Variants in TRIM38 observed in about 807,000 individuals in gnomAD.
TRIM38 encodes the protein E3 ubiquitin-protein ligase TRIM38.
Under a neutral mutation model 35.8 loss-of-function variants are expected in TRIM38, and 35 were observed. That is an observed-to-expected ratio of 0.98 (90% CI 0.75 to 1.30). The LOEUF (loss-of-function observed/expected upper bound fraction) is 1.30, where lower values mean the gene tolerates loss of function less well. Among genes scored for constraint, TRIM38 ranks in the 50% most tolerant of loss-of-function variants. TRIM38 has a pLI of 0.00. For synonymous variants in TRIM38, 198 were observed against 204.7 expected (o/e 0.97, Z 0.28); for missense variants, 545 against 556.9 (o/e 0.98, Z 0.21).
Position 25,985,388 on chromosome 6 carries a change from A to G in TRIM38, c.*1701A>G, listed in dbSNP as rs1173910857. 1.3e-5 allele frequency: 2 copies of G among 152,142 alleles called. No individual in the cohort carries two copies. The highest frequency in any genetic ancestry group is 3.9e-4 in the East Asian group (2 of 5,182). The allele number at this position is 152,142 out of a possible 1,614,324, so 9.4% of individuals were successfully genotyped here. A position where few individuals can be genotyped will look rare whatever the true frequency, so the allele number is the denominator to read the frequency against. ...TCCTTTTCGTCTTCCTTGTCACTTA[A>G]AAAATGTATTCTTTTCTTAAAATGC... is the stretch of plus-strand genomic sequence containing the variant. On this transcript the variant is annotated 3_prime_UTR_variant, in exon 8 of 8. Transcript: ENST00000357085.
chr6:25,983,360 C>A lies in TRIM38; in HGVS notation c.1071C>A (p.Thr357=), dbSNP rs756936805. 2.5e-6 allele frequency: 4 copies of A among 1,613,862 alleles called. 1 individual carries two copies. The highest frequency in any genetic ancestry group is 2.7e-5 in the African/African-American group (2 of 74,872). The change falls in exon 8 of 8, where the codon ACC becomes ACA. Residue 357 remains threonine (T), a synonymous_variant. Coordinates refer to ENST00000357085, the MANE Select transcript of TRIM38 (RefSeq NM_006355.5). The part of the protein sequence containing the change: ...RYFEVDVGEG[T]GWDLGVCMEN... ...TTGAAGTGGATGTTGGCGAAGGAACCGGATGGGATTTAGGAGTTTGTATGG... is the reference window on the plus strand; with the variant it reads ...TTGAAGTGGATGTTGGCGAAGGAACAGGATGGGATTTAGGAGTTTGTATGG...
At chr6:25,972,954 T>C (rs1760283003) in intron 5 of TRIM38, 100 bp from the exon 6 acceptor site, 1 of 1,499,480 alleles carries the variant, frequency 6.7e-7, no homozygotes, top group Non-Finnish European at 9.2e-7. Context: ...GGTAACTCTC[T>C]TTACTTCTTC....
intron 7 of TRIM38, among the ~76,000 whole-genome samples, chr6:25,976,643 T>C (rs1760401900): frequency 6.6e-6 from 1 of 152,206 alleles, no homozygotes; most frequent in Admixed American, 6.5e-5. Flanking sequence ...TTTGTTGTTG[T>C]TGCTGTTGCA....
At chr6:25,973,101 G>A (rs1760287516) in intron 6 of TRIM38, 25 bp downstream of exon 6, 1 of 1,614,100 alleles carries the variant, frequency 6.2e-7, no homozygotes, top group Non-Finnish European at 8.5e-7. Flanking sequence ...AATGCAGGAG[G>A]GGAGGGGTGT....
chr6:25,983,790 T>C lies in TRIM38; in HGVS notation c.*103T>C. On this transcript the variant is annotated 3_prime_UTR_variant, in exon 8 of 8. Coordinates refer to ENST00000357085, the MANE Select transcript of TRIM38 (RefSeq NM_006355.5). ...GTTTTCTTCGCTGTCATTTCCTTAG[T>C]AGTTAGACTAGTGCTGAGATTTTAG... 9.4e-7 allele frequency: 1 copy of C among 1,062,522 alleles called. No individual in the cohort carries two copies. The highest frequency in any genetic ancestry group is 1.3e-6 in the Non-Finnish European group (1 of 748,774). 65.8% of individuals were successfully genotyped at this position (1,062,522 alleles called of 1,614,324 possible). A position where few individuals can be genotyped will look rare whatever the true frequency, so the allele number is the denominator to read the frequency against.
Position 25,983,508 on chromosome 6 carries a change from G to A in TRIM38, c.1219G>A (p.Glu407Lys), listed in dbSNP as rs749899732. The change falls in exon 8 of 8, where the codon GAG becomes AAG. Residue 407 changes from glutamate (E) to lysine (K), a missense_variant. Physicochemically the swap from Glu to Lys is moderately conservative, Grantham distance 56. Transcript: ENST00000357085. ...TCCCCCAACTTCCCTTCATCTGCATGAGCAGCCCCTGCTTGTGGGAATTTT... is the reference window on the plus strand; with the variant it reads ...TCCCCCAACTTCCCTTCATCTGCATAAGCAGCCCCTGCTTGTGGGAATTTT... ...TSPPTSLHLHEQPLLVGIFLD... is the reference protein window; with the variant it reads ...TSPPTSLHLHKQPLLVGIFLD... The A allele has an allele frequency of 6.2e-7, 1 of 1,614,116 alleles. No individual in the cohort carries two copies. The highest frequency in any genetic ancestry group is 8.5e-7 in the Non-Finnish European group (1 of 1,180,034).
chr6:25,973,840 C>A, intron 7 of TRIM38: 2 of 985,360 alleles, frequency 2.0e-6, no homozygotes, highest in Non-Finnish European at 2.4e-6. Flanking sequence ...ATGTTAGAAC[C>A]ATTTACTGAG....
rs188292601 is a variant in TRIM38, at chr6:25,969,275, T to C, written c.412-50T>C. The C allele has an allele frequency of 4.8e-4, 661 of 1,374,464 alleles. 6 individuals carry two copies. In the Admixed American group the frequency reaches 9.2e-3, roughly 19 times the overall value. The allele number at this position is 1,374,464 out of a possible 1,614,324, so 85.1% of individuals were successfully genotyped here. A position where few individuals can be genotyped will look rare whatever the true frequency, so the allele number is the denominator to read the frequency against. On this transcript the variant is annotated intron_variant, in intron 3 of 7. Coordinates refer to ENST00000357085, the MANE Select transcript of TRIM38 (RefSeq NM_006355.5). ...AAGATTGGGATTCCCCCTAGGTCCC[T>C]AATGAAGAGTCAAATTGAATAGGCT...
intron 5 of TRIM38, among the ~76,000 whole-genome samples, chr6:25,972,402 G>T (rs1760264870): frequency 6.6e-6 from 1 of 152,180 alleles, no homozygotes; most frequent in Non-Finnish European, 1.5e-5. Flanking sequence ...TGACTGATGG[G>T]TGATGAAGTG....
Position 25,972,090 on chromosome 6 carries a change from A to G in TRIM38, c.729A>G (p.Lys243=), listed in dbSNP as rs760674633. Residue 243 remains lysine (K), a synonymous_variant, in exon 5 of 8, where the codon AAA becomes AAG. Coordinates refer to ENST00000357085, the MANE Select transcript of TRIM38 (RefSeq NM_006355.5). ...AAAAATGTCAGGGCTCAGCCCAGAA[A>G]TTGCTGCAGGTGAGGCTGTGTACTT... The part of the protein sequence containing the change: ...LEEKCQGSAQ[K]LLQNVNDTLS... 123 of 1,614,036 alleles carry G rather than the reference A, an allele frequency of 7.6e-5. No individual in the cohort carries two copies. Among genetic ancestry groups the G allele is most frequent in the Non-Finnish European group, 1.0e-4 (120 of 1,180,004 alleles).
rs1372378021 is a variant in TRIM38, at chr6:25,988,594, A to G, written c.*4907A>G. On this transcript the variant is annotated 3_prime_UTR_variant, in exon 8 of 8. Transcript: ENST00000357085. The stretch of plus-strand genomic sequence containing the variant: ...CTGCAACCTCCATCTCCCAGGTTCA[A>G]ACGATTCTCATATCTCAGCCTCCCG... 2 of 141,408 alleles carry G rather than the reference A, an allele frequency of 1.4e-5. No individual in the cohort carries two copies. The highest frequency in any genetic ancestry group is 3.0e-5 in the Non-Finnish European group (2 of 66,982). The allele number at this position is 141,408 out of a possible 1,614,324, so 8.8% of individuals were successfully genotyped here.
chr6:25,968,127 C>T (rs1272610211), intron 3 of TRIM38, among the ~76,000 whole-genome samples: 1 of 152,082 alleles, frequency 6.6e-6, no homozygotes. Context: ...ATGTTGTCTC[C>T]AGTGTCAGGC....
Position 25,963,046 on chromosome 6 carries a change from C to G in TRIM38, c.-422-3C>G, listed in dbSNP as rs373388744. ...ACCTCTTTCCTGCTCTTTCTTTCAC[C>G]AGACTTTACACCAAATCTCAGAAGA... On this transcript the variant is annotated splice_region_variant and splice_polypyrimidine_tract_variant and intron_variant, in intron 1 of 7. Coordinates refer to ENST00000357085, the MANE Select transcript of TRIM38 (RefSeq NM_006355.5). The G allele has an allele frequency of 3.3e-5, 5 of 152,412 alleles. No individual in the cohort carries two copies. The highest frequency in any genetic ancestry group is 1.2e-4 in the African/African-American group (5 of 41,504). 9.4% of individuals were successfully genotyped at this position (152,412 alleles called of 1,614,324 possible). A position where few individuals can be genotyped will look rare whatever the true frequency, so the allele number is the denominator to read the frequency against.
At chr6:25,971,428 GTGTT>G (rs1760225435) in intron 4 of TRIM38, among the ~76,000 whole-genome samples, 1 of 152,138 alleles carries the variant, frequency 6.6e-6, no homozygotes, top group Non-Finnish European at 1.5e-5. Context: ...GTGTGTGTGT[GTGTT>G]TGTGTGAAAA....
intron 7 of TRIM38, chr6:25,973,801 A>G (rs1760311907): frequency 2.0e-6 from 2 of 985,334 alleles, no homozygotes; most frequent in Admixed American, 1.2e-4. Flanking sequence ...ACAGATGACA[A>G]ATGTTACAAC....
chr6:25,973,508 C>T, intron 7 of TRIM38: 1 of 984,940 alleles, frequency 1.0e-6, no homozygotes, highest in Non-Finnish European at 1.2e-6. Context: ...CTTATTCTTT[C>T]ACTTATTAGC....
intron 4 of TRIM38, among the ~76,000 whole-genome samples, chr6:25,970,328 T>G (rs1760194574): frequency 6.6e-6 from 1 of 152,228 alleles, no homozygotes; most frequent in Non-Finnish European, 1.5e-5. Flanking sequence ...AGAGCCACAT[T>G]CTTTTATGGA....
intron 7 of TRIM38, among the ~76,000 whole-genome samples, chr6:25,976,591 G>T (rs2113607018): frequency 6.6e-6 from 1 of 152,286 alleles, no homozygotes; most frequent in East Asian, 1.9e-4. Context: ...TTAATCCATT[G>T]CCTTGTGGAC....
In TRIM38 at chr6:25,982,690, T is replaced by C. The variant is rs58764905; in HGVS notation, c.875-474T>C. Among the ~76,000 whole-genome samples, 1,212 of 152,344 alleles carry C rather than the reference T, an allele frequency of 8.0e-3. 18 individuals carry two copies. The highest frequency in any genetic ancestry group is 0.027 in the African/African-American group (1,103 of 41,582). Reference sequence around the variant, plus strand: ...TGCAACAAATACGGTAATTTCCACTTTATAGTTAACAAACTGAGGCTCAGA... The same window carrying C: ...TGCAACAAATACGGTAATTTCCACTCTATAGTTAACAAACTGAGGCTCAGA... On this transcript the variant is annotated intron_variant, in intron 7 of 7. Transcript: ENST00000357085.
Sources: allele counts gnomAD v4.1 joint callset (sites outside exome capture counted in the v4.1 genomes callset), GRCh38; gene constraint gnomAD v4.1.1; transcripts MANE v1.5; gene names NCBI Gene and HGNC (gene_info 2026-07-23, HGNC 2026-07-21).